NME9: variants seen among roughly 807,000 people sequenced by gnomAD.
NME9 encodes the protein thioredoxin domain-containing protein 6.
A neutral mutation model predicts 44.4 loss-of-function variants in NME9; 48 were observed. The observed-to-expected ratio is 1.08, with a 90% CI of 0.86 to 1.37. The LOEUF (loss-of-function observed/expected upper bound fraction) is 1.37. Ranked by LOEUF, NME9 falls within the 40% of genes most tolerant of loss-of-function variation. NME9 has a pLI of 0.00. For synonymous variants in NME9, 139 were observed against 147.1 expected (o/e 0.94, Z 0.40); for missense variants, 325 against 405.2 (o/e 0.80, Z 1.70).
intron 8 of NME9, among the ~76,000 whole-genome samples, chr3:138,275,916 T>C (rs1355252636): frequency 6.6e-6 from 1 of 152,156 alleles, no homozygotes; most frequent in Non-Finnish European, 1.5e-5. Flanking sequence ...ATCACTAAAA[T>C]TAGCCGAAAT....
At chr3:138,289,009 C>A (rs1299927570) in intron 8 of NME9, 1 of 1,539,120 alleles carries the variant, frequency 6.5e-7, no homozygotes, top group Admixed American at 1.8e-5. Context: ...AATGAGATTA[C>A]CACCATTTTG....
chr3:138,317,844 C>T (rs1428328075), intron 4 of NME9, among the ~76,000 whole-genome samples: 3 of 152,174 alleles, frequency 2.0e-5, no homozygotes, highest in Non-Finnish European at 4.4e-5. Context: ...GAAGGTTGCC[C>T]CAGCACAGTG....
At position 138,305,007 on chromosome 3, in the gene NME9, T is replaced by C. The variant is rs1245874284; in HGVS notation, c.657A>G (p.Val219=). ...GGCTTGGTCCACTGCACATGTGATG[T>C]ACCAGCTTCTCAAATGCCTCCTAGG... is the stretch of plus-strand genomic sequence containing the variant. ...KAGEEAFEKL[V]HHMCSGPSHL... is the part of the protein sequence containing the mutation. The change falls in exon 9 of 11, where the codon GTA becomes GTG. Residue 219 remains valine (V), a synonymous_variant. Transcript: ENST00000333911. 6.2e-7 allele frequency: 1 copy of C among 1,613,872 alleles called. No homozygotes were observed. Among genetic ancestry groups the C allele is most frequent in the Non-Finnish European group, 8.5e-7 (1 of 1,179,922 alleles).
chr3:138,315,235 T>G (rs1044329326), intron 5 of NME9, among the ~76,000 whole-genome samples: 1 of 152,228 alleles, frequency 6.6e-6, no homozygotes, highest in African/African-American at 2.4e-5. Flanking sequence ...CACCACTCCA[T>G]TCTGTAACTT....
At position 138,305,256 on chromosome 3, in the gene NME9, C is replaced by T. The variant is rs752935736; in HGVS notation, c.637-229G>A. Reference sequence around the variant, plus strand: ...TAGTGATGACCTACCACACTCAGAACTCAGAATGACGAGACTTTTAAGTTG... The same window carrying T: ...TAGTGATGACCTACCACACTCAGAATTCAGAATGACGAGACTTTTAAGTTG... On this transcript the variant is annotated intron_variant, in intron 8 of 10. Transcript: ENST00000333911. 2.4e-4 allele frequency among the ~76,000 whole-genome samples: 36 copies of T among 152,168 alleles called. 1 individual carries two copies. The highest frequency in any genetic ancestry group is 4.0e-4 in the Non-Finnish European group (27 of 68,022).
intron 8 of NME9, chr3:138,263,897 G>A: frequency 7.8e-7 from 1 of 1,287,536 alleles, no homozygotes; most frequent in South Asian, 1.2e-5. Flanking sequence ...CCTTCACTGA[G>A]TAAACACAGA....
At chr3:138,309,147 T>C (rs1228171137) in intron 6 of NME9, among the ~76,000 whole-genome samples, 5 of 151,062 alleles carry the variant, frequency 3.3e-5, no homozygotes, top group Non-Finnish European at 7.4e-5. Flanking sequence ...AAAAAAAAAA[T>C]TAGCTAGGTG....
chr3:138,280,307 C>CTTA lies in NME9; in HGVS notation c.746-17724_746-17722dup, dbSNP rs572583061. Reference sequence around the variant, plus strand: ...GTTTTTGGTTTCATTGATTTTCCCACTTATTATTATTATTATTATATATAT... The same window carrying CTTA: ...GTTTTTGGTTTCATTGATTTTCCCACTTATTATTATTATTATTATTATATATAT... On this transcript the variant is annotated intron_variant, in intron 8 of 8. Transcript: ENST00000317876. Among the ~76,000 whole-genome samples, 191 of 150,434 alleles carry CTTA rather than the reference C, an allele frequency of 1.3e-3. No individual in the cohort carries two copies. The Middle Eastern group carries it at 0.014, about 11-fold the overall frequency.
chr3:138,317,426 C>T (rs1014729090), intron 4 of NME9, among the ~76,000 whole-genome samples: 9 of 152,166 alleles, frequency 5.9e-5, no homozygotes, highest in African/African-American at 1.9e-4. Flanking sequence ...GGAGGTATAT[C>T]GATCCATTGC....
intron 8 of NME9, chr3:138,289,120 G>A (rs781553420): frequency 6.2e-7 from 1 of 1,611,498 alleles, no homozygotes; most frequent in Admixed American, 1.7e-5. Context: ...TGAAGAGGAA[G>A]GTAAGAGATT....
intron 8 of NME9, among the ~76,000 whole-genome samples, chr3:138,278,054 A>C (rs1189110949): frequency 6.6e-6 from 1 of 152,242 alleles, no homozygotes; most frequent in Non-Finnish European, 1.5e-5. Flanking sequence ...TGTAAAAGAC[A>C]AAACAGTAGA....
rs1021682323 is a variant in NME9 at position 138,329,605 on chromosome 3, C to G, written c.-270G>C. On this transcript the variant is annotated 5_prime_UTR_variant, in exon 1 of 11. Transcript: ENST00000333911. ...TCTGGGGATCTGCGAAGCCCCCTCC[C>G]CACCCCGGAGCCGGCCAGGGGGCGC... is the stretch of plus-strand genomic sequence containing the variant. The G allele has an allele frequency of 4.6e-6, 6 of 1,317,364 alleles. No individual in the cohort carries two copies. In the African/African-American group the frequency reaches 9.2e-5, roughly 20 times the overall value. 81.6% of individuals were successfully genotyped at this position (1,317,364 alleles called of 1,614,324 possible). A position where few individuals can be genotyped will look rare whatever the true frequency, so the allele number is the denominator to read the frequency against.
At chr3:138,266,149 C>T (rs187862520) in intron 8 of NME9, among the ~76,000 whole-genome samples, 5 of 152,330 alleles carry the variant, frequency 3.3e-5, no homozygotes, top group African/African-American at 4.8e-5. Flanking sequence ...TCCATTGGCA[C>T]ATCTTCCTGA....
At chr3:138,267,761 A>G (rs2048407186) in intron 8 of NME9, among the ~76,000 whole-genome samples, 2 of 152,164 alleles carry the variant, frequency 1.3e-5, no homozygotes, top group Admixed American at 6.5e-5. Flanking sequence ...AGGAAAAACT[A>G]AAATATACCT....
chr3:138,266,351 C>T (rs1184469087), intron 8 of NME9, among the ~76,000 whole-genome samples: 2 of 152,088 alleles, frequency 1.3e-5, no homozygotes, highest in African/African-American at 2.4e-5. Flanking sequence ...TGGAGTGTGC[C>T]AGCTCCCACC....
Position 138,303,529 on chromosome 3 carries a change from G to T in NME9, c.906C>A (p.Asp302Glu), listed in dbSNP as rs1000338062. 6.2e-7 allele frequency: 1 copy of T among 1,613,522 alleles called. No homozygotes were observed. The highest frequency in any genetic ancestry group is 1.1e-5 in the South Asian group (1 of 91,060). Residue 302 changes from aspartate to glutamate, a missense_variant, in exon 10 of 11, where the codon GAC becomes GAA. Coordinates refer to ENST00000333911, the MANE Select transcript of NME9 (RefSeq NM_001349018.2). The part of the protein sequence containing the change: ...ALLFPSLKFS[D>E]KDTEAPQGGE... ...TACCCTGAGGGGCTTCTGTATCTTT[G>T]TCTGAAAATTTCAAACTGGGGAAGA...
downstream of NME9, among the ~76,000 whole-genome samples, chr3:138,300,527 A>C (rs2051784898): frequency 6.6e-6 from 1 of 152,210 alleles, no homozygotes; most frequent in Non-Finnish European, 1.5e-5. Flanking sequence ...TAAAGTCGTT[A>C]GAGGGGGTGG....
intron 8 of NME9, among the ~76,000 whole-genome samples, chr3:138,279,918 T>C (rs140499530): frequency 1.8e-4 from 28 of 152,240 alleles, no homozygotes; most frequent in African/African-American, 6.0e-4. Context: ...CTTTTTTTTT[T>C]CTTGGAGACA....
intron 8 of NME9, among the ~76,000 whole-genome samples, chr3:138,271,463 A>G (rs2048778861): frequency 6.6e-6 from 1 of 152,198 alleles, no homozygotes; most frequent in African/African-American, 2.4e-5. Context: ...TATCACTTAA[A>G]TGGCGTATGG....
Sources: allele counts gnomAD v4.1 joint callset (sites outside exome capture counted in the v4.1 genomes callset), GRCh38; gene constraint gnomAD v4.1.1; transcripts MANE v1.5; gene names NCBI Gene and HGNC (gene_info 2026-07-23, HGNC 2026-07-21).